ITPR2: variants seen among roughly 807,000 people sequenced by gnomAD.
The protein encoded by ITPR2 is inositol 1,4,5-trisphosphate receptor type 2, also known as inositol 1,4,5-trisphosphate-gated calcium channel ITPR2.
Under a neutral mutation model 317.1 loss-of-function variants are expected in ITPR2, and 207 were observed. The ratio of observed to expected loss-of-function variants is 0.65; its 90% CI spans 0.58 to 0.73. The LOEUF (loss-of-function observed/expected upper bound fraction) is 0.73, where lower values mean the gene tolerates loss of function less well. ITPR2 is among the 30% of genes least tolerant of loss of function. The pLI, the probability that ITPR2 is intolerant of heterozygous loss-of-function variation, is 0.00. For synonymous variants in ITPR2, 1,156 were observed against 1,149.1 expected, an observed-to-expected ratio of 1.01 and a Z score of -0.12; for missense variants, 2,613 against 3,284.0, an observed-to-expected ratio of 0.80 and a Z score of 4.99.
chr12:26,387,673 A>G, intron 54 of ITPR2, 79 bp from the exon 55 acceptor site: 1 of 1,349,546 alleles, frequency 7.4e-7, no homozygotes. Flanking sequence ...ACAAAACACA[A>G]TAATTATTGT....
chr12:26,694,649 T>C (rs1434053507), intron 10 of ITPR2, among the ~76,000 whole-genome samples: 5 of 152,190 alleles, frequency 3.3e-5, no homozygotes, highest in African/African-American at 1.2e-4. Context: ...ATTCACACTT[T>C]GCTTTTTAAA....
chr12:26,593,729 A>ATTTTTTTTTT (rs10633886), intron 32 of ITPR2, among the ~76,000 whole-genome samples: 1 of 85,680 alleles, frequency 1.2e-5, no homozygotes. Context: ...AATCATTGCT[A>ATTTTTTTTTT]TTTTTTTGTT....
rs1157370787 is a variant in ITPR2, at chr12:26,831,420, C to G, written c.92+1270G>C. ...TATAACACAGCTCGAAGTCACTGTC[C>G]CGGGTCGTTGCAGGTTAAGTCATCT... On this transcript the variant is annotated intron_variant, in intron 1 of 56. Transcript: ENST00000381340. This position sits in a 1 kb window ranked among gnomAD's most constrained non-coding sequence, Gnocchi z 4.9. Among the ~76,000 whole-genome samples, 1 of 152,066 alleles carries G rather than the reference C, an allele frequency of 6.6e-6. No homozygotes were observed. The highest frequency in any genetic ancestry group is 1.9e-4 in the East Asian group (1 of 5,190).
chr12:26,509,990 GT>G, intron 37 of ITPR2, among the ~76,000 whole-genome samples: 1 of 127,174 alleles, frequency 7.9e-6, no homozygotes, highest in African/African-American at 2.8e-5. Flanking sequence ...GTGTGTGTGT[GT>G]GTGTGTGTGT....
intron 52 of ITPR2, chr12:26,400,712 G>A (rs1940148714): frequency 2.0e-5 from 3 of 152,366 alleles, no homozygotes; most frequent in African/African-American, 7.2e-5. Context: ...CGTTGTGCTT[G>A]TTATGGTAGG....
At chr12:26,581,740 A>C (rs1945409908) in intron 32 of ITPR2, among the ~76,000 whole-genome samples, 1 of 152,310 alleles carries the variant, frequency 6.6e-6, no homozygotes, top group Middle Eastern at 3.4e-3. Context: ...GATGGATAAG[A>C]ATTAGGATTT....
Position 26,340,561 on chromosome 12 carries a change from TG to T in ITPR2, c.7858-234del, listed in dbSNP as rs371958310. On this transcript the variant is annotated intron_variant, in intron 55 of 56. Coordinates refer to ENST00000381340, the MANE Select transcript of ITPR2 (RefSeq NM_002223.4). ...TACGGGCTTCCAGGGAGGTTCCGGC[TG>T]AGACATTTAGAAAGCACCGTGAAGG... 2.6e-4 allele frequency among the ~76,000 whole-genome samples: 39 copies of T among 152,262 alleles called. No homozygotes were observed. The East Asian group carries it at 6.0e-3, about 23-fold the overall frequency.
intron 2 of ITPR2, among the ~76,000 whole-genome samples, chr12:26,776,741 A>C (rs1592118318): frequency 6.6e-6 from 1 of 152,214 alleles, no homozygotes; most frequent in East Asian, 1.9e-4. Flanking sequence ...TTGTCTGAGT[A>C]GATAAACCCT....
chr12:26,566,057 GAGA>G (rs1367146534), intron 34 of ITPR2, among the ~76,000 whole-genome samples: 2 of 136,848 alleles, frequency 1.5e-5, no homozygotes, highest in Admixed American at 7.2e-5. Flanking sequence ...AGATGGAGAG[GAGA>G]AGGAGAGGAA....
intron 55 of ITPR2, among the ~76,000 whole-genome samples, chr12:26,374,295 CCTGTGGTGACTTGTCTAGGAT>C (rs1258253480): frequency 6.6e-6 from 1 of 152,208 alleles, no homozygotes; most frequent in Admixed American, 6.5e-5. Context: ...CTATGTAAAA[CCTGTGGTGACTTGTCTAGGAT>C]CTGCCTTCAG....
chr12:26,815,907 C>T (rs1426074183), intron 1 of ITPR2, among the ~76,000 whole-genome samples: 1 of 151,828 alleles, frequency 6.6e-6, no homozygotes, highest in Non-Finnish European at 1.5e-5. Context: ...TCCTGGCTAA[C>T]ACGGTGAAAC....
chr12:26,821,681 T>C (rs1950941294), intron 1 of ITPR2, among the ~76,000 whole-genome samples: 1 of 152,204 alleles, frequency 6.6e-6, no homozygotes, highest in African/African-American at 2.4e-5. Flanking sequence ...ACTTCATCCA[T>C]GTGGGCAAAG....
At chr12:26,510,403 T>A (rs1943309665) in intron 37 of ITPR2, among the ~76,000 whole-genome samples, 1 of 152,206 alleles carries the variant, frequency 6.6e-6, no homozygotes, top group African/African-American at 2.4e-5. Flanking sequence ...AGAAGACATG[T>A]AGCTTCCATA....
chr12:26,506,520 CAAA>C (rs11362827), intron 37 of ITPR2, among the ~76,000 whole-genome samples: 3,035 of 87,470 alleles, frequency 0.035, 100 homozygotes, highest in African/African-American at 0.099. Flanking sequence ...AATCCTGTCT[CAAA>C]AAAAAAAAAA....
rs78447482 is a variant in ITPR2, at chr12:26,681,871, T to C, written c.1409+3A>G. On this transcript the variant is annotated splice_donor_region_variant and intron_variant, in intron 13 of 56. Transcript: ENST00000381340. The stretch of plus-strand genomic sequence containing the variant: ...ATTATTTAAGACCAATTTAAAGAGT[T>C]ACCTCCTTTCATTCTGAGTTATTGT... 1 of 1,596,510 alleles carries C rather than the reference T, an allele frequency of 6.3e-7. No homozygotes were observed. Among genetic ancestry groups the C allele is most frequent in the Non-Finnish European group, 8.6e-7 (1 of 1,166,278 alleles).
chr12:26,370,519 T>C (rs944363904), intron 55 of ITPR2, among the ~76,000 whole-genome samples: 1 of 152,204 alleles, frequency 6.6e-6, no homozygotes, highest in Non-Finnish European at 1.5e-5. Flanking sequence ...TAAAATGGAC[T>C]TACCTGCTAA....
At chr12:26,635,945 G>C (rs1438396655) in intron 21 of ITPR2, among the ~76,000 whole-genome samples, 22 of 152,216 alleles carry the variant, frequency 1.4e-4, no homozygotes, top group East Asian at 1.9e-4. Flanking sequence ...AGAGCAGTAG[G>C]TAATATGGTA....
intron 55 of ITPR2, among the ~76,000 whole-genome samples, chr12:26,356,426 A>G (rs531607217): frequency 2.0e-5 from 3 of 152,340 alleles, no homozygotes; most frequent in African/African-American, 7.2e-5. Flanking sequence ...GACAAGTGAG[A>G]CCGAAAGAAT....
At chr12:26,387,297 G>T in intron 55 of ITPR2, 137 bp downstream of exon 55, 1 of 808,324 alleles carries the variant, frequency 1.2e-6, no homozygotes, top group Non-Finnish European at 1.9e-6. Flanking sequence ...ATGTTCTTCA[G>T]TGATTGACAG....
Sources: allele counts gnomAD v4.1 joint callset (sites outside exome capture counted in the v4.1 genomes callset), GRCh38; gene constraint gnomAD v4.1.1; non-coding constraint Gnocchi (gnomAD v3.1); transcripts MANE v1.5; gene names NCBI Gene and HGNC (gene_info 2026-07-23, HGNC 2026-07-21).